Variants in GPM6A observed in about 807,000 individuals in gnomAD.
The protein encoded by GPM6A is glycoprotein M6A.
Under a neutral mutation model 32.1 loss-of-function variants are expected in GPM6A, and 7 were observed. That is an observed-to-expected ratio of 0.22 (90% CI 0.12 to 0.41). GPM6A has a LOEUF of 0.41. Among genes scored for constraint, GPM6A ranks in the 10% least tolerant of loss-of-function variants. The pLI, the probability that GPM6A is intolerant of heterozygous loss-of-function variation, is 1.00. For synonymous variants in GPM6A, 130 were observed against 123.4 expected (o/e 1.05, Z -0.35); for missense variants, 235 against 347.2 (o/e 0.68, Z 2.57).
chr4:175,767,598 A>G (rs1028383075), intron 1 of GPM6A, among the ~76,000 whole-genome samples: 1 of 152,244 alleles, frequency 6.6e-6, no homozygotes, highest in Admixed American at 6.5e-5. Flanking sequence ...GACTTTTAAT[A>G]AAAGTAACTA....
chr4:175,857,574 C>T (rs1056109452), intron 1 of GPM6A, among the ~76,000 whole-genome samples: 6 of 151,796 alleles, frequency 4.0e-5, no homozygotes, highest in African/African-American at 1.5e-4. Context: ...AGATGTAAAC[C>T]TAACCATATC....
chr4:175,803,618 T>A (rs1345848789), intron 1 of GPM6A, among the ~76,000 whole-genome samples: 1 of 152,062 alleles, frequency 6.6e-6, no homozygotes, highest in East Asian at 1.9e-4. Context: ...AAGATAATGG[T>A]AGAGAAAATT....
intron 1 of GPM6A, among the ~76,000 whole-genome samples, chr4:175,711,409 A>AATATATATATATATATATATAT (rs36105210): frequency 3.8e-5 from 2 of 53,292 alleles, no homozygotes; most frequent in African/African-American, 8.4e-5. Flanking sequence ...TGGCACACCA[A>AATATATATATATATATATATAT]ATATATATAT....
At chr4:175,815,313 C>G (rs1287231658), upstream of GPM6A, among the ~76,000 whole-genome samples, 5 of 152,092 alleles carry the variant, frequency 3.3e-5, no homozygotes, top group Non-Finnish European at 7.3e-5. Context: ...CCAAGCCCAG[C>G]CAAGTTGTTG....
chr4:175,679,028 A>T (rs1415529731), intron 2 of GPM6A, among the ~76,000 whole-genome samples: 3 of 152,128 alleles, frequency 2.0e-5, no homozygotes, highest in Non-Finnish European at 4.4e-5. Context: ...TGACATACTT[A>T]TGTCAAATCT....
intron 1 of GPM6A, among the ~76,000 whole-genome samples, chr4:175,906,139 G>T (rs988424721): frequency 3.9e-5 from 6 of 152,116 alleles, no homozygotes; most frequent in African/African-American, 1.4e-4. Context: ...ACAGCTGGAT[G>T]CAAGAAGCAT....
intron 1 of GPM6A, among the ~76,000 whole-genome samples, chr4:175,971,120 A>G (rs115215209): frequency 0.012 from 1,850 of 152,312 alleles, 31 homozygotes; most frequent in African/African-American, 0.043. Context: ...AACATTTTTT[A>G]TTAACTCTAT....
At chr4:175,646,824 T>C (rs1384507787) in intron 4 of GPM6A, among the ~76,000 whole-genome samples, 1 of 152,182 alleles carries the variant, frequency 6.6e-6, no homozygotes, top group Non-Finnish European at 1.5e-5. Context: ...AGACTCTCAT[T>C]CATGGTTACC....
chr4:175,987,171 T>C (rs1453135982), intron 1 of GPM6A, among the ~76,000 whole-genome samples: 1 of 152,228 alleles, frequency 6.6e-6, no homozygotes, highest in East Asian at 1.9e-4. Flanking sequence ...TAGAAATGTG[T>C]AGCACTAAGC....
intron 1 of GPM6A, among the ~76,000 whole-genome samples, chr4:175,980,231 T>C (rs1740780933): frequency 6.6e-6 from 1 of 152,072 alleles, no homozygotes; most frequent in African/African-American, 2.4e-5. Flanking sequence ...GTGGCATGCA[T>C]CTGCAGTCCC....
At chr4:175,960,493 T>A (rs1561012595) in intron 1 of GPM6A, among the ~76,000 whole-genome samples, 1 of 152,184 alleles carries the variant, frequency 6.6e-6, no homozygotes, top group South Asian at 2.1e-4. Context: ...GTTACATAGA[T>A]AAACATGTGA....
chr4:175,962,666 A>G (rs1740204536), intron 1 of GPM6A, among the ~76,000 whole-genome samples: 1 of 152,164 alleles, frequency 6.6e-6, no homozygotes, highest in South Asian at 2.1e-4. Flanking sequence ...CCTACAGCAA[A>G]GGAAACTAGT....
At chr4:175,898,325 C>T (rs1404121707) in intron 1 of GPM6A, among the ~76,000 whole-genome samples, 1 of 152,180 alleles carries the variant, frequency 6.6e-6, no homozygotes, top group Non-Finnish European at 1.5e-5. Context: ...AGACCTGACA[C>T]CCAACTACCT....
intron 1 of GPM6A, among the ~76,000 whole-genome samples, chr4:175,707,055 C>T (rs1332622323): frequency 1.3e-5 from 2 of 152,154 alleles, no homozygotes; most frequent in Admixed American, 6.5e-5. Context: ...AAAATTGCTC[C>T]CCCCTTTCCC....
At chr4:175,983,551 C>CTTT (rs1388258123) in intron 1 of GPM6A, among the ~76,000 whole-genome samples, 2 of 152,044 alleles carry the variant, frequency 1.3e-5, no homozygotes, top group African/African-American at 4.8e-5. Flanking sequence ...TAAGGTTTTT[C>CTTT]TTTTTTAATC....
At chr4:175,670,460 A>G (rs935081490) in intron 3 of GPM6A, among the ~76,000 whole-genome samples, 7 of 152,212 alleles carry the variant, frequency 4.6e-5, no homozygotes, top group Non-Finnish European at 7.3e-5. Context: ...AAACTTTAAT[A>G]AGAAAATATG....
chr4:175,654,652 C>T (rs1391546510), intron 3 of GPM6A, among the ~76,000 whole-genome samples: 4 of 110,948 alleles, frequency 3.6e-5, no homozygotes, highest in African/African-American at 1.2e-4. Context: ...TCAAAATGAG[C>T]TCTCTCTCTA....
chr4:175,867,414 T>C (rs2111432059), intron 1 of GPM6A, among the ~76,000 whole-genome samples: 1 of 152,280 alleles, frequency 6.6e-6, no homozygotes, highest in Admixed American at 6.5e-5. Context: ...GTGATCCAGT[T>C]TGAGTTCGTT....
rs1429218772 is a variant in GPM6A at position 175,634,446 on chromosome 4, T to C, written c.*459A>G. 1 of 153,806 alleles carries C rather than the reference T, an allele frequency of 6.5e-6. No homozygotes were observed. Among genetic ancestry groups the C allele is most frequent in the Non-Finnish European group, 1.4e-5 (1 of 68,978 alleles). 9.5% of individuals were successfully genotyped at this position (153,806 alleles called of 1,614,324 possible). On this transcript the variant is annotated 3_prime_UTR_variant, in exon 7 of 7. Coordinates refer to ENST00000393658, the MANE Select transcript of GPM6A (RefSeq NM_201591.3). The stretch of plus-strand genomic sequence containing the variant: ...GTCATCAAGATGTAATCTCTATCTA[T>C]TGTTCATAATGTACAATGGTCCCTT...
Sources: gnomAD v4.1 joint callset for allele counts (sites outside exome capture counted in the v4.1 genomes callset) on GRCh38, gnomAD v4.1.1 for gene constraint, MANE v1.5 for transcripts, NCBI Gene and HGNC (gene_info 2026-07-23, HGNC 2026-07-21) for gene names.